The following MDGA2 variants were observed in gnomAD, a reference collection of about 807,000 sequenced individuals.
MDGA2 encodes MAM domain-containing glycosylphosphatidylinositol anchor protein 2.
In MDGA2, 40 loss-of-function variants were observed where a neutral mutation model predicts 117.8. The ratio of observed to expected loss-of-function variants is 0.34; its 90% confidence interval spans 0.26 to 0.44. The LOEUF is 0.44. MDGA2 is among the 20% of genes least tolerant of loss of function. The pLI is 1.00. For synonymous variants in MDGA2, 452 were observed against 439.0 expected (o/e 1.03, Z -0.37); for missense variants, 1,123 against 1,250.6 (o/e 0.90, Z 1.54).
At chr14:47,394,368 A>G (rs1891961281) in intron 1 of MDGA2, among the ~76,000 whole-genome samples, 1 of 152,192 alleles carries the variant, frequency 6.6e-6, no homozygotes, top group African/African-American at 2.4e-5. Context: ...GCAAGAAGGC[A>G]TCTGTAACCT....
At chr14:47,070,244 C>T (rs1890231485) in intron 6 of MDGA2, among the ~76,000 whole-genome samples, 1 of 152,156 alleles carries the variant, frequency 6.6e-6, no homozygotes, top group African/African-American at 2.4e-5. Flanking sequence ...GGTAATCATC[C>T]TTCTATTCTG....
chr14:47,098,105 C>T (rs1880081630), intron 5 of MDGA2, among the ~76,000 whole-genome samples: 1 of 151,470 alleles, frequency 6.6e-6, no homozygotes, highest in Non-Finnish European at 1.5e-5. Context: ...AAAGTTAGAG[C>T]TGTATTATAT....
intron 1 of MDGA2, among the ~76,000 whole-genome samples, chr14:47,473,891 G>C (rs968783041): frequency 9.9e-5 from 15 of 152,132 alleles, no homozygotes; most frequent in African/African-American, 3.4e-4. Flanking sequence ...ATGGGTAAAA[G>C]TTGGAAGCCT....
intron 1 of MDGA2, among the ~76,000 whole-genome samples, chr14:47,583,163 G>A (rs1365759714): frequency 6.6e-5 from 10 of 151,880 alleles, no homozygotes; most frequent in South Asian, 4.1e-4. Flanking sequence ...CAGAGCTTGA[G>A]GTGAAACAGA....
Position 47,674,886 on chromosome 14 carries a change from C to T in MDGA2, c.-90G>A. 1 of 545,108 alleles carries T rather than the reference C, an allele frequency of 1.8e-6. No individual in the cohort carries two copies. The highest frequency in any genetic ancestry group is 2.4e-5 in the South Asian group (1 of 42,406). The allele number at this position is 545,108 out of a possible 1,614,324, so 33.8% of individuals were successfully genotyped here. On this transcript the variant is annotated 5_prime_UTR_variant, in exon 1 of 17. Transcript: ENST00000399232. Reference sequence around the variant, plus strand: ...ACGCACGCCGCACTCACACCGGGTGCCTGGGAAAATCGCAGACGCCGGGGA... The same window carrying T: ...ACGCACGCCGCACTCACACCGGGTGTCTGGGAAAATCGCAGACGCCGGGGA...
intron 1 of MDGA2, among the ~76,000 whole-genome samples, chr14:47,493,266 T>A (rs1894210223): frequency 1.3e-5 from 2 of 149,634 alleles, no homozygotes; most frequent in Admixed American, 1.3e-4. Context: ...CTGGGACTGT[T>A]ATAACAAAAT....
intron 1 of MDGA2, among the ~76,000 whole-genome samples, chr14:47,540,308 C>T (rs1391512512): frequency 1.3e-5 from 2 of 151,940 alleles, no homozygotes; most frequent in African/African-American, 4.8e-5. Flanking sequence ...CCACCGTGCC[C>T]GGCCCATCCA....
intron 8 of MDGA2, among the ~76,000 whole-genome samples, chr14:46,986,122 T>C (rs527462807): frequency 4.7e-4 from 71 of 152,058 alleles, no homozygotes; most frequent in African/African-American, 1.5e-3. Context: ...TAGTAACTAG[T>C]ATACTACAGT....
At chr14:47,580,009 T>A (rs928315847) in intron 1 of MDGA2, among the ~76,000 whole-genome samples, 1 of 152,094 alleles carries the variant, frequency 6.6e-6, no homozygotes, top group Non-Finnish European at 1.5e-5. Flanking sequence ...ATATTACAGA[T>A]GTGAAAGCAG....
At chr14:47,197,067 T>C (rs1178300909) in intron 3 of MDGA2, among the ~76,000 whole-genome samples, 1 of 152,236 alleles carries the variant, frequency 6.6e-6, no homozygotes, top group Non-Finnish European at 1.5e-5. Flanking sequence ...CAGTCCACCA[T>C]TGATGGGTAT....
At chr14:47,560,829 T>G (rs1895784957) in intron 1 of MDGA2, among the ~76,000 whole-genome samples, 2 of 152,184 alleles carry the variant, frequency 1.3e-5, no homozygotes, top group African/African-American at 4.8e-5. Flanking sequence ...GTTTTAGGTT[T>G]TACATTTAAG....
chr14:47,059,288 A>T, intron 7 of MDGA2: 1 of 1,256,768 alleles, frequency 8.0e-7, no homozygotes, highest in Non-Finnish European at 1.0e-6. Flanking sequence ...CATTCTATGG[A>T]GAAACCACAT....
At chr14:46,956,372 AAAT>A (rs1885561742) in intron 9 of MDGA2, among the ~76,000 whole-genome samples, 1 of 152,070 alleles carries the variant, frequency 6.6e-6, no homozygotes, top group Non-Finnish European at 1.5e-5. Context: ...AAAATAACGT[AAAT>A]AATTACATAA....
Position 47,244,016 on chromosome 14 carries a change from T to C in MDGA2, c.421-25821A>G, listed in dbSNP as rs1482196410. The stretch of plus-strand genomic sequence containing the variant: ...TCTATAAATAATCTATTCCTACCCC[T>C]GATGATTTTCCCTTTTTTGGCATTT... On this transcript the variant is annotated intron_variant, in intron 2 of 16. Transcript: ENST00000399232. Among the ~76,000 whole-genome samples the C allele has an allele frequency of 2.0e-5, 3 of 151,848 alleles. 1 individual carries two copies. The highest frequency in any genetic ancestry group is 4.4e-5 in the Non-Finnish European group (3 of 67,828).
chr14:47,275,390 T>G (rs1016555688), intron 2 of MDGA2, among the ~76,000 whole-genome samples: 7 of 152,282 alleles, frequency 4.6e-5, no homozygotes, highest in African/African-American at 1.7e-4. Context: ...TAGTTACAGG[T>G]TAAGCTCAGT....
At chr14:46,842,522 T>C (rs1315443856) in intron 16 of MDGA2, among the ~76,000 whole-genome samples, 2 of 152,214 alleles carry the variant, frequency 1.3e-5, no homozygotes. Context: ...GTCCATTATC[T>C]ATAAATTATA....
At chr14:47,115,651 G>A (rs1594638087) in intron 5 of MDGA2, among the ~76,000 whole-genome samples, 1 of 151,852 alleles carries the variant, frequency 6.6e-6, no homozygotes, top group East Asian at 1.9e-4. Context: ...CAATTAATGT[G>A]ATACACTACA....
At chr14:46,965,322 A>C (rs1414322664) in intron 8 of MDGA2, among the ~76,000 whole-genome samples, 1 of 152,040 alleles carries the variant, frequency 6.6e-6, no homozygotes, top group Non-Finnish European at 1.5e-5. Context: ...GACTCTCTCT[A>C]TATATGAATG....
At chr14:47,226,714 A>G (rs1306565838) in intron 2 of MDGA2, among the ~76,000 whole-genome samples, 2 of 152,160 alleles carry the variant, frequency 1.3e-5, no homozygotes, top group African/African-American at 4.8e-5. Context: ...TCGCACTGCC[A>G]AGACATTACT....
Sources: allele counts gnomAD v4.1 joint callset (sites outside exome capture counted in the v4.1 genomes callset), GRCh38; gene constraint gnomAD v4.1.1; transcripts MANE v1.5; gene names NCBI Gene and HGNC (gene_info 2026-07-23, HGNC 2026-07-21).